DNAH11: variants seen among roughly 807,000 people sequenced by gnomAD.
DNAH11 encodes the protein dynein axonemal heavy chain 11, also known as axonemal beta dynein heavy chain 11.
In DNAH11, 442 loss-of-function variants were observed where a neutral mutation model predicts 526.0. The ratio of observed to expected loss-of-function variants is 0.84; its 90% confidence interval spans 0.78 to 0.91. DNAH11 has a LOEUF of 0.91. Among genes scored for constraint, DNAH11 ranks in the 40% least tolerant of loss-of-function variants. The pLI is 0.00. For missense variants in DNAH11, 6,989 were observed against 5,448.7 expected (o/e 1.28, Z -8.90); for synonymous variants, 2,461 against 1,935.9 (o/e 1.27, Z -7.12).
chr7:21,763,544 C>G (rs148204114), intron 54 of DNAH11, among the ~76,000 whole-genome samples: 1 of 151,368 alleles, frequency 6.6e-6, no homozygotes, highest in Non-Finnish European at 1.5e-5. Flanking sequence ...AACCCTTGTA[C>G]ACTATTGGTG....
At chr7:21,690,655 C>A in intron 34 of DNAH11, 110 bp from the exon 35 acceptor site, 1 of 743,238 alleles carries the variant, frequency 1.3e-6, no homozygotes, top group Non-Finnish European at 2.2e-6. Context: ...GAAAATTACA[C>A]AGAATAAACA....
rs149235247 is a variant in DNAH11 at position 21,603,019 on chromosome 7, G to A, written c.3648+1401G>A. Among the ~76,000 whole-genome samples the A allele has an allele frequency of 1.6e-3, 239 of 152,082 alleles. 1 individual carries two copies. The highest frequency in any genetic ancestry group is 5.5e-3 in the African/African-American group (227 of 41,470). On this transcript the variant is annotated intron_variant, in intron 18 of 81. Coordinates refer to ENST00000409508, the MANE Select transcript of DNAH11 (RefSeq NM_001277115.2). ...CCCAGAAATCCCATACCACTTCTCT[G>A]TCTCTCCCCATTATCCTCCTCCATG...
intron 45 of DNAH11, among the ~76,000 whole-genome samples, chr7:21,730,811 C>G (rs1486477501): frequency 6.6e-6 from 1 of 151,990 alleles, no homozygotes; most frequent in Non-Finnish European, 1.5e-5. Flanking sequence ...TTTTAAAAAC[C>G]ATTAAGAGAA....
intron 46 of DNAH11, among the ~76,000 whole-genome samples, chr7:21,736,398 A>G (rs1296468394): frequency 1.3e-5 from 2 of 152,184 alleles, no homozygotes; most frequent in Non-Finnish European, 2.9e-5. Flanking sequence ...GTAGAGAGGA[A>G]ATCACCGAAA....
Position 21,710,691 on chromosome 7 carries a change from GGAT to G in DNAH11, c.6826_6828del (p.Asp2276del). 1 of 1,611,848 alleles carries G rather than the reference GGAT, an allele frequency of 6.2e-7. No homozygotes were observed. Among genetic ancestry groups the G allele is most frequent in the Non-Finnish European group, 8.5e-7 (1 of 1,178,982 alleles). ...GGATTGAATCACTGAATACTGTAAT[GGAT>G]GATAACAAGGTGAATAAAACCTCTG... is the stretch of plus-strand genomic sequence containing the variant. On this transcript the variant is annotated inframe_deletion, in exon 41 of 82. Transcript: ENST00000409508.
At chr7:21,719,245 T>C (rs1437326743) in intron 43 of DNAH11, among the ~76,000 whole-genome samples, 2 of 152,244 alleles carry the variant, frequency 1.3e-5, no homozygotes, top group Non-Finnish European at 2.9e-5. Context: ...GTATGGAAAT[T>C]TGAGACAAAA....
intron 19 of DNAH11, 44 bp from the exon 20 acceptor site, chr7:21,606,599 ATTTG>A (rs773167241): frequency 1.0e-5 from 13 of 1,287,548 alleles, no homozygotes; most frequent in Non-Finnish European, 1.4e-5. Flanking sequence ...TAATTGAAGT[ATTTG>A]TTTGAAATTC....
chr7:21,697,522 G>T (rs1275021378), intron 35 of DNAH11, among the ~76,000 whole-genome samples: 1 of 152,046 alleles, frequency 6.6e-6, no homozygotes, highest in Non-Finnish European at 1.5e-5. Flanking sequence ...ACCCCAAACT[G>T]GTCACTTTAT....
intron 42 of DNAH11, among the ~76,000 whole-genome samples, chr7:21,716,307 C>T (rs1417163827): frequency 6.6e-6 from 1 of 152,086 alleles, no homozygotes; most frequent in African/African-American, 2.4e-5. Flanking sequence ...TTCCGAATGC[C>T]ACCAACTCTG....
intron 66 of DNAH11, among the ~76,000 whole-genome samples, chr7:21,847,810 G>A (rs1392423276): frequency 6.6e-6 from 1 of 152,140 alleles, no homozygotes; most frequent in African/African-American, 2.4e-5. Context: ...TCTCCTTGCA[G>A]TTCTTAGTTT....
Position 21,901,587 on chromosome 7 carries a change from C to CATATGTG in DNAH11, c.*336_*337insTGTGATA, listed in dbSNP as rs1784860517. ...CCATCTCAAAAAAAAAAAAGTACAT[C>CATATGTG]ATAAAAGTACATCATATGTGAACAT... On this transcript the variant is annotated 3_prime_UTR_variant, in exon 82 of 82. Transcript: ENST00000409508. 1.7e-5 allele frequency: 3 copies of CATATGTG among 176,022 alleles called. No individual in the cohort carries two copies. Among genetic ancestry groups the CATATGTG allele is most frequent in the African/African-American group, 4.8e-5 (2 of 41,812 alleles). 10.9% of individuals were successfully genotyped at this position (176,022 alleles called of 1,614,324 possible).
chr7:21,815,168 G>C (rs1437540544), intron 63 of DNAH11, among the ~76,000 whole-genome samples: 4 of 152,078 alleles, frequency 2.6e-5, no homozygotes, highest in African/African-American at 9.7e-5. Context: ...GAGATCTGCA[G>C]GTGCCCCTTC....
chr7:21,851,788 G>A (rs1318427676), intron 66 of DNAH11: 3 of 402,772 alleles, frequency 7.4e-6, no homozygotes, highest in Admixed American at 3.0e-5. Flanking sequence ...TGTGACCTCC[G>A]TTCTCTGATG....
At chr7:21,601,666 C>T in intron 18 of DNAH11, 48 bp downstream of exon 18, 1 of 1,385,380 alleles carries the variant, frequency 7.2e-7, no homozygotes, top group Non-Finnish European at 9.7e-7. Flanking sequence ...TTGAGCATCT[C>T]TTTTATTAAA....
chr7:21,616,095 T>C (rs1293760233), intron 21 of DNAH11, 114 bp from the exon 22 acceptor site: 1 of 780,676 alleles, frequency 1.3e-6, no homozygotes, highest in African/African-American at 1.7e-5. Flanking sequence ...ATTTTAAAAA[T>C]TGACTTTCCA....
chr7:21,734,449 A>G (rs1785518899), intron 45 of DNAH11, among the ~76,000 whole-genome samples: 1 of 152,258 alleles, frequency 6.6e-6, no homozygotes. Context: ...AGAGTTGTCT[A>G]GGACTGTTTA....
intron 39 of DNAH11, among the ~76,000 whole-genome samples, chr7:21,705,798 T>A (rs1250772680): frequency 6.6e-6 from 1 of 152,170 alleles, no homozygotes; most frequent in East Asian, 1.9e-4. Flanking sequence ...GATTGAACTT[T>A]CCACGTGAGA....
chr7:21,618,435 GC>G (rs921134372), intron 23 of DNAH11: 1 of 152,582 alleles, frequency 6.6e-6, no homozygotes, highest in African/African-American at 2.4e-5. Context: ...CATATGGCTG[GC>G]TCAACTCTTC....
chr7:21,584,584 T>A (rs905437869), intron 9 of DNAH11, among the ~76,000 whole-genome samples: 1 of 152,006 alleles, frequency 6.6e-6, no homozygotes, highest in Non-Finnish European at 1.5e-5. Flanking sequence ...TTAAAAAAAA[T>A]TCATGAGGAT....
Sources: allele counts gnomAD v4.1 joint callset (sites outside exome capture counted in the v4.1 genomes callset), GRCh38; gene constraint gnomAD v4.1.1; transcripts MANE v1.5; gene names NCBI Gene and HGNC (gene_info 2026-07-23, HGNC 2026-07-21).